The following OXR1 variants were observed in gnomAD, a reference collection of about 807,000 sequenced individuals.
The protein encoded by OXR1 is oxidation resistance 1.
OXR1 carries 41 observed loss-of-function variants against 104.6 expected under a neutral mutation model. The observed-to-expected ratio is 0.39, with a 90% CI of 0.31 to 0.51. OXR1 has a LOEUF of 0.51. Among genes scored for constraint, OXR1 ranks in the 20% least tolerant of loss-of-function variants. The pLI is 0.77. For synonymous variants in OXR1, 348 were observed against 348.4 expected, an observed-to-expected ratio of 1.00 and a Z score of 0.01; for missense variants, 955 against 1,031.9, an observed-to-expected ratio of 0.93 and a Z score of 1.02.
chr8:106,635,430 A>G (rs1246448707), intron 3 of OXR1, among the ~76,000 whole-genome samples: 3 of 152,054 alleles, frequency 2.0e-5, no homozygotes, highest in Non-Finnish European at 4.4e-5. Context: ...TTTATGCCTT[A>G]GGAGAGGTGC....
At chr8:106,461,521 C>T (rs1052184945) in intron 2 of OXR1, among the ~76,000 whole-genome samples, 30 of 152,104 alleles carry the variant, frequency 2.0e-4, no homozygotes, top group East Asian at 7.8e-4. Context: ...GCAGAGATCA[C>T]GCCACTGCAT....
chr8:106,587,639 G>A (rs369300191), intron 3 of OXR1, among the ~76,000 whole-genome samples: 51 of 152,268 alleles, frequency 3.3e-4, no homozygotes, highest in African/African-American at 1.2e-3. Flanking sequence ...TCATCATTGG[G>A]GTTCTGGTTG....
intron 1 of OXR1, among the ~76,000 whole-genome samples, chr8:106,284,302 C>T (rs544672477): frequency 5.9e-5 from 9 of 151,854 alleles, no homozygotes; most frequent in Non-Finnish European, 1.2e-4. Flanking sequence ...AGAGGTGTTC[C>T]AGGCAGAGGA....
chr8:106,290,714 C>T (rs1018519628), intron 1 of OXR1, among the ~76,000 whole-genome samples: 4 of 152,026 alleles, frequency 2.6e-5, no homozygotes, highest in Non-Finnish European at 5.9e-5. Flanking sequence ...CACTAATCAG[C>T]GTAGAAATAA....
chr8:106,665,152 G>A (rs1826147235), intron 3 of OXR1, among the ~76,000 whole-genome samples: 1 of 152,262 alleles, frequency 6.6e-6, no homozygotes, highest in East Asian at 1.9e-4. Flanking sequence ...CATGGCACAA[G>A]GTGGGAACCA....
chr8:106,596,374 AGGC>A (rs1819526857), intron 3 of OXR1, among the ~76,000 whole-genome samples: 1 of 152,062 alleles, frequency 6.6e-6, no homozygotes, highest in East Asian at 1.9e-4. Flanking sequence ...TGAACCCAGG[AGGC>A]ATAGTTTGCA....
chr8:106,379,081 A>G (rs1025113350), intron 2 of OXR1, among the ~76,000 whole-genome samples: 1 of 152,154 alleles, frequency 6.6e-6, no homozygotes, highest in African/African-American at 2.4e-5. Context: ...AGTATAGCAT[A>G]AGGAGCTCTT....
intron 2 of OXR1, among the ~76,000 whole-genome samples, chr8:106,505,403 A>G (rs1313201914): frequency 1.3e-5 from 2 of 152,218 alleles, no homozygotes; most frequent in East Asian, 3.8e-4. Flanking sequence ...AAAGAAATCT[A>G]CTTCCTTTTG....
chr8:106,750,518 C>G (rs762556957), intron 16 of OXR1, among the ~76,000 whole-genome samples: 33 of 151,524 alleles, frequency 2.2e-4, no homozygotes, highest in Non-Finnish European at 5.9e-5. Flanking sequence ...TTAGTAGAGA[C>G]AGGGTTTCTC....
chr8:106,587,365 C>T (rs530965555), intron 3 of OXR1, among the ~76,000 whole-genome samples: 4 of 151,690 alleles, frequency 2.6e-5, no homozygotes, highest in Non-Finnish European at 4.4e-5. Context: ...GAACAAATGG[C>T]GTGAAATTAT....
intron 3 of OXR1, among the ~76,000 whole-genome samples, chr8:106,612,718 C>T (rs536743306): frequency 1.3e-5 from 2 of 152,230 alleles, no homozygotes; most frequent in African/African-American, 2.4e-5. Flanking sequence ...TTTTATGGCT[C>T]TCACTTCTTG....
At chr8:106,529,340 A>G (rs188998691) in intron 3 of OXR1, among the ~76,000 whole-genome samples, 231 of 152,310 alleles carry the variant, frequency 1.5e-3, no homozygotes, top group African/African-American at 5.3e-3. Context: ...TTCATTTAAT[A>G]TCTACTTTAA....
intron 2 of OXR1, among the ~76,000 whole-genome samples, chr8:106,463,099 C>G (rs1381802885): frequency 6.6e-6 from 1 of 152,026 alleles, no homozygotes; most frequent in East Asian, 1.9e-4. Context: ...ACCTGTTTCC[C>G]TAAGCCCATA....
At chr8:106,742,696 G>A (rs1286866918) in intron 15 of OXR1, among the ~76,000 whole-genome samples, 1 of 152,116 alleles carries the variant, frequency 6.6e-6, no homozygotes, top group African/African-American at 2.4e-5. Flanking sequence ...AAGCAATAGG[G>A]AAAGGATTCC....
At chr8:106,532,056 A>G (rs748646207) in intron 3 of OXR1, among the ~76,000 whole-genome samples, 3 of 152,230 alleles carry the variant, frequency 2.0e-5, no homozygotes, top group Non-Finnish European at 4.4e-5. Context: ...ATATGATTGA[A>G]TGCCTACATT....
chr8:106,478,416 T>G (rs904454601), intron 2 of OXR1, among the ~76,000 whole-genome samples: 1 of 151,848 alleles, frequency 6.6e-6, no homozygotes, highest in Non-Finnish European at 1.5e-5. Context: ...TCACCAGAAG[T>G]TGACAAAGAT....
At chr8:106,638,840 G>A (rs1391457519) in intron 3 of OXR1, among the ~76,000 whole-genome samples, 3 of 149,586 alleles carry the variant, frequency 2.0e-5, no homozygotes, top group Non-Finnish European at 4.4e-5. Context: ...TTGCAAGTGA[G>A]CAGATATCGT....
At chr8:106,343,007 C>G (rs1815319699) in intron 1 of OXR1, among the ~76,000 whole-genome samples, 1 of 152,212 alleles carries the variant, frequency 6.6e-6, no homozygotes, top group Admixed American at 6.5e-5. Flanking sequence ...ATCTTAGACT[C>G]CTTGCTTTTC....
rs148646013 is a variant in OXR1 at position 106,317,282 on chromosome 8, G to A, written c.-138-42194G>A. Among the ~76,000 whole-genome samples, 535 of 152,176 alleles carry A rather than the reference G, an allele frequency of 3.5e-3. 3 individuals carry two copies. The highest frequency in any genetic ancestry group is 9.8e-3 in the Admixed American group (150 of 15,270). ...ATGCTGTGAGGGGCAAAAACATAAC[G>A]CTTGCATTTTTATGTTTAGGGTTAG... On this transcript the variant is annotated intron_variant, in intron 1 of 16. Transcript: ENST00000517566.
Sources: allele counts gnomAD v4.1 joint callset (sites outside exome capture counted in the v4.1 genomes callset), GRCh38; gene constraint gnomAD v4.1.1; transcripts MANE v1.5; gene names NCBI Gene and HGNC (gene_info 2026-07-23, HGNC 2026-07-21).